The following EHHADH variants were observed in gnomAD, a reference collection of about 807,000 sequenced individuals.
EHHADH encodes the protein peroxisomal bifunctional enzyme.
EHHADH carries 48 observed loss-of-function variants against 64.4 expected under a neutral mutation model. The ratio of observed to expected loss-of-function variants is 0.75; its 90% CI spans 0.59 to 0.95. The LOEUF (loss-of-function observed/expected upper bound fraction) is 0.95, where lower values mean the gene tolerates loss of function less well. EHHADH is among the 40% of genes least tolerant of loss of function. The pLI is 0.00. For missense variants in EHHADH, 854 were observed against 876.6 expected (o/e 0.97, Z 0.33); for synonymous variants, 308 against 326.7 (o/e 0.94, Z 0.62).
chr3:185,192,937 A>T lies in EHHADH; in HGVS notation c.1461T>A (p.Pro487=), dbSNP rs778987672. 6.2e-7 allele frequency: 1 copy of T among 1,614,120 alleles called. No individual in the cohort carries two copies. Among genetic ancestry groups the T allele is most frequent in the South Asian group, 1.1e-5 (1 of 91,064 alleles). ...ACAAGAAATATGCCTGATTGTAGTA[A>T]GGATTCAACATTCGATTCCCCACAA... is the stretch of plus-strand genomic sequence containing the variant. The part of the protein sequence containing the change: ...FGFVGNRMLN[P]YYNQAYFLLE... The change falls in exon 7 of 7, where the codon CCT becomes CCA. Residue 487 remains proline (P), a synonymous_variant. Coordinates refer to ENST00000231887, the MANE Select transcript of EHHADH (RefSeq NM_001966.4).
chr3:185,240,321 C>A (rs2108649229), intron 2 of EHHADH, among the ~76,000 whole-genome samples: 1 of 149,732 alleles, frequency 6.7e-6, no homozygotes, highest in Admixed American at 6.7e-5. Context: ...CTTGATTTTT[C>A]AGAATAGTTT....
At chr3:185,210,061 G>C (rs1718497797) in intron 5 of EHHADH, among the ~76,000 whole-genome samples, 1 of 152,204 alleles carries the variant, frequency 6.6e-6, no homozygotes, top group Non-Finnish European at 1.5e-5. Flanking sequence ...AATGGGGAGA[G>C]GAAGGAGAGA....
intron 2 of EHHADH, among the ~76,000 whole-genome samples, chr3:185,237,883 A>G (rs1270131421): frequency 6.6e-6 from 1 of 152,088 alleles, no homozygotes; most frequent in African/African-American, 2.4e-5. Flanking sequence ...CCACTTGGTA[A>G]CTTTTCAACC....
rs1387123787 is a variant in EHHADH at position 185,190,682 on chromosome 3, A to G, written c.*1544T>C. On this transcript the variant is annotated 3_prime_UTR_variant, in exon 7 of 7. Transcript: ENST00000231887. ...TTTAATTTCACAAACCAAATTATATAAAATTAAGTAGTACACATTTCAAAC... is the reference window on the plus strand; with the variant it reads ...TTTAATTTCACAAACCAAATTATATGAAATTAAGTAGTACACATTTCAAAC... 1 of 152,198 alleles carries G rather than the reference A, an allele frequency of 6.6e-6. No homozygotes were observed. Among genetic ancestry groups the G allele is most frequent in the African/African-American group, 2.4e-5 (1 of 41,440 alleles). 9.4% of individuals were successfully genotyped at this position (152,198 alleles called of 1,614,324 possible). A position where few individuals can be genotyped will look rare whatever the true frequency, so the allele number is the denominator to read the frequency against.
intron 2 of EHHADH, among the ~76,000 whole-genome samples, chr3:185,242,385 T>C (rs1719479095): frequency 1.3e-5 from 2 of 151,698 alleles, no homozygotes; most frequent in Non-Finnish European, 2.9e-5. Flanking sequence ...AAAGAACAAA[T>C]CTGGAGGCAT....
At chr3:185,250,414 A>T (rs1719714312) in intron 1 of EHHADH, among the ~76,000 whole-genome samples, 1 of 152,210 alleles carries the variant, frequency 6.6e-6, no homozygotes, top group African/African-American at 2.4e-5. Flanking sequence ...ACAAAGACCA[A>T]GAGAGAAAAT....
chr3:185,246,111 T>C, intron 2 of EHHADH: 3 of 1,254,548 alleles, frequency 2.4e-6, no homozygotes, highest in Non-Finnish European at 3.5e-6. Flanking sequence ...CATCCTCTGG[T>C]TCAGCTGGTT....
chr3:185,242,928 G>T (rs531528798), intron 2 of EHHADH, among the ~76,000 whole-genome samples: 2 of 152,160 alleles, frequency 1.3e-5, no homozygotes, highest in African/African-American at 4.8e-5. Context: ...GCAGACTTTC[G>T]TCTCCCTGTG....
chr3:185,205,424 C>T (rs2108630229), intron 5 of EHHADH, among the ~76,000 whole-genome samples: 1 of 152,178 alleles, frequency 6.6e-6, no homozygotes, highest in African/African-American at 2.4e-5. Context: ...GTAACAAAAA[C>T]TTTAAAATAC....
At chr3:185,253,773 A>G (rs547642934) in intron 1 of EHHADH, 176 bp downstream of exon 1, 58 of 1,322,984 alleles carry the variant, frequency 4.4e-5, no homozygotes, top group Admixed American at 3.8e-4. Context: ...AAAAAAAAAA[A>G]AAAGAAAAGA....
At chr3:185,197,021 C>T (rs908215675) in intron 6 of EHHADH, among the ~76,000 whole-genome samples, 2 of 149,742 alleles carry the variant, frequency 1.3e-5, no homozygotes, top group African/African-American at 4.9e-5. Context: ...AAAAAAAAAG[C>T]CAGACACAAA....
intron 6 of EHHADH, among the ~76,000 whole-genome samples, chr3:185,195,299 G>C (rs1232430887): frequency 6.6e-6 from 1 of 152,148 alleles, no homozygotes; most frequent in Non-Finnish European, 1.5e-5. Flanking sequence ...CAAAACCACA[G>C]TGAGATAATG....
chr3:185,248,130 G>A lies in EHHADH; in HGVS notation c.178+284C>T, dbSNP rs73052832. 8.4e-3 allele frequency: 2,430 copies of A among 290,140 alleles called. 38 individuals are homozygous for A. Among genetic ancestry groups the A allele is most frequent in the African/African-American group, 0.041 (1,877 of 46,100 alleles). The allele number at this position is 290,140 out of a possible 1,614,324, so 18.0% of individuals were successfully genotyped here. On this transcript the variant is annotated intron_variant, in intron 2 of 6. Coordinates refer to ENST00000231887, the MANE Select transcript of EHHADH (RefSeq NM_001966.4). ...GATTTGCCCAAGCCCACATATGGTGGAGATACATGCAATGCAGGTATATAT... is the reference window on the plus strand; with the variant it reads ...GATTTGCCCAAGCCCACATATGGTGAAGATACATGCAATGCAGGTATATAT...
intron 6 of EHHADH, among the ~76,000 whole-genome samples, chr3:185,194,596 G>T (rs1352347355): frequency 6.8e-6 from 1 of 147,646 alleles, no homozygotes; most frequent in East Asian, 2.0e-4. Context: ...TGGGCAACAA[G>T]ATTGAAACTC....
intron 2 of EHHADH, among the ~76,000 whole-genome samples, chr3:185,236,323 A>C (rs1719291508): frequency 6.9e-6 from 1 of 144,804 alleles, no homozygotes; most frequent in Non-Finnish European, 1.6e-5. Flanking sequence ...CTAATGCCTG[A>C]TGATCTGAGG....
intron 6 of EHHADH, among the ~76,000 whole-genome samples, chr3:185,202,246 C>T (rs767126409): frequency 4.0e-5 from 6 of 150,744 alleles, no homozygotes; most frequent in Non-Finnish European, 8.8e-5. Context: ...GGCTGAAGCA[C>T]GAGAATTGCT....
intron 5 of EHHADH, among the ~76,000 whole-genome samples, chr3:185,207,374 A>T (rs1430981532): frequency 6.6e-6 from 1 of 152,190 alleles, no homozygotes; most frequent in African/African-American, 2.4e-5. Context: ...AGTCCTTAAA[A>T]GCAGAGAATC....
At chr3:185,241,498 C>T (rs545776765) in intron 2 of EHHADH, among the ~76,000 whole-genome samples, 7 of 152,230 alleles carry the variant, frequency 4.6e-5, no homozygotes, top group South Asian at 2.1e-4. Flanking sequence ...ACCATTCTTG[C>T]GGGAGTAAGG....
chr3:185,193,141 A>C lies in EHHADH; in HGVS notation c.1257T>G (p.Ala419=). 2 of 1,613,298 alleles carry C rather than the reference A, an allele frequency of 1.2e-6. No homozygotes were observed. The highest frequency in any genetic ancestry group is 2.7e-5 in the African/African-American group (2 of 75,028). Residue 419 remains alanine (A), a synonymous_variant, in exon 7 of 7, where the codon GCT becomes GCG. Coordinates refer to ENST00000231887, the MANE Select transcript of EHHADH (RefSeq NM_001966.4). Reference sequence around the variant, plus strand: ...CCAAGTGAGGACGATCAGTGGAAGAAGCAATCTCATCAACATCCAGGGCTG... The same window carrying C: ...CCAAGTGAGGACGATCAGTGGAAGACGCAATCTCATCAACATCCAGGGCTG... ...NTSALDVDEI[A]SSTDRPHLVI...
Sources: gnomAD v4.1 joint callset for allele counts (sites outside exome capture counted in the v4.1 genomes callset) on GRCh38, gnomAD v4.1.1 for gene constraint, MANE v1.5 for transcripts, NCBI Gene and HGNC (gene_info 2026-07-23, HGNC 2026-07-21) for gene names.